FOXP1: variants seen among roughly 807,000 people sequenced by gnomAD.
FOXP1 encodes the protein forkhead box protein P1.
FOXP1 carries 15 observed loss-of-function variants against 98.2 expected under a neutral mutation model. That is an observed-to-expected ratio of 0.15 (90% CI 0.10 to 0.24). The LOEUF (loss-of-function observed/expected upper bound fraction) is 0.24. FOXP1 is among the 10% of genes least tolerant of loss of function. The pLI, the probability that FOXP1 is intolerant of heterozygous loss-of-function variation, is 1.00. For synonymous variants in FOXP1, 371 were observed against 314.5 expected, an observed-to-expected ratio of 1.18 and a Z score of -1.90; for missense variants, 633 against 848.5, an observed-to-expected ratio of 0.75 and a Z score of 3.15.
At position 71,546,930 on chromosome 3, in the gene FOXP1, CAAAG is replaced by C. The variant is rs138051116; in HGVS notation, c.-298+34615_-298+34618del. ...TGAGCTTGAGAAAAGAAGGAAATTG[CAAAG>C]AAAGGAAGGGGAGAGAGACAGAGAC... On this transcript the variant is annotated intron_variant, in intron 2 of 20. Coordinates refer to ENST00000649528, the MANE Select transcript of FOXP1 (RefSeq NM_001349338.3). Among the ~76,000 whole-genome samples, 1,148 of 151,820 alleles carry C rather than the reference CAAAG, an allele frequency of 7.6e-3. 11 individuals carry two copies. The highest frequency in any genetic ancestry group is 0.026 in the African/African-American group (1,078 of 41,400).
intron 3 of FOXP1, among the ~76,000 whole-genome samples, chr3:71,442,266 C>T (rs2086006374): frequency 6.6e-6 from 1 of 152,090 alleles, no homozygotes. Context: ...CATTAGCCAA[C>T]CAGACTGAGT....
Position 71,151,660 on chromosome 3 carries a change from A to ATTTT in FOXP1, c.181-39027_181-39024dup, listed in dbSNP as rs71104420. ...AGTCGAGAGGATGCATGTCTAAAAC[A>ATTTT]TTTTTTTTTTTTTTTTTGCACAAAG... On this transcript the variant is annotated intron_variant, in intron 6 of 20. Transcript: ENST00000649528. Among the ~76,000 whole-genome samples the ATTTT allele has an allele frequency of 2.2e-3, 308 of 140,108 alleles. 2 individuals are homozygous for ATTTT. Among genetic ancestry groups the ATTTT allele is most frequent in the East Asian group, 4.9e-3 (23 of 4,680 alleles). The allele number at this position is 140,108 out of a possible 152,430, so 91.9% of individuals were successfully genotyped here.
Position 71,582,499 on chromosome 3 carries a change from G to C in FOXP1, c.-446-802C>G, listed in dbSNP as rs1413936009. ...CTCGGGAGGAAGGCTGCGCGCAAGCGAGGGACGGAGAGCCATCGGCCGCCA... is the reference window on the plus strand; with the variant it reads ...CTCGGGAGGAAGGCTGCGCGCAAGCCAGGGACGGAGAGCCATCGGCCGCCA... On this transcript the variant is annotated intron_variant, in intron 1 of 20. Coordinates refer to ENST00000649528, the MANE Select transcript of FOXP1 (RefSeq NM_001349338.3). 3.0e-6 allele frequency: 3 copies of C among 985,336 alleles called. No homozygotes were observed. In the East Asian group the frequency reaches 3.4e-4, roughly 112 times the overall value. The allele number at this position is 985,336 out of a possible 1,614,324, so 61.0% of individuals were successfully genotyped here.
At chr3:71,305,439 C>T (rs527761237) in intron 4 of FOXP1, among the ~76,000 whole-genome samples, 17 of 152,298 alleles carry the variant, frequency 1.1e-4, no homozygotes, top group African/African-American at 3.6e-4. Context: ...TCGATTTCCA[C>T]AGAAGAAAAC....
intron 3 of FOXP1, among the ~76,000 whole-genome samples, chr3:71,484,330 T>C (rs908712302): frequency 3.5e-4 from 54 of 152,194 alleles, no homozygotes; most frequent in African/African-American, 1.3e-3. Context: ...TTTTCAAACA[T>C]CTAAGTAAAA....
chr3:71,577,821 T>C (rs1459954857), intron 2 of FOXP1, among the ~76,000 whole-genome samples: 3 of 152,028 alleles, frequency 2.0e-5, no homozygotes, highest in East Asian at 3.9e-4. Flanking sequence ...ATAGTAAAAG[T>C]ATACATTGGC....
At chr3:70,997,128 A>C (rs1166530759) in intron 13 of FOXP1, among the ~76,000 whole-genome samples, 1 of 152,216 alleles carries the variant, frequency 6.6e-6, no homozygotes, top group Non-Finnish European at 1.5e-5. Context: ...TCCCCTCTAA[A>C]GGAGGTGATG....
At position 70,956,732 on chromosome 3, in the gene FOXP1, GTTTTTTTTTTT is replaced by G. The variant is rs142956636; in HGVS notation, c.*2504_*2514del. 257 of 32,780 alleles carry G rather than the reference GTTTTTTTTTTT, an allele frequency of 7.8e-3. 1 individual carries two copies. The highest frequency in any genetic ancestry group is 0.014 in the African/African-American group (133 of 9,772). 2.0% of individuals were successfully genotyped at this position (32,780 alleles called of 1,614,324 possible). ...GCACATCATGAAGCTGCCTGGAAAA[GTTTTTTTTTTT>G]TTTTTTTTTTTTTTTTTTTTTTTTT... On this transcript the variant is annotated 3_prime_UTR_variant, in exon 21 of 21. Transcript: ENST00000649528.
intron 3 of FOXP1, among the ~76,000 whole-genome samples, chr3:71,477,608 A>G (rs918279260): frequency 3.9e-5 from 6 of 152,200 alleles, no homozygotes; most frequent in African/African-American, 1.4e-4. Context: ...AACATTTCTA[A>G]CCCTTGATTT....
intron 11 of FOXP1, among the ~76,000 whole-genome samples, chr3:71,015,878 T>C (rs1358286139): frequency 6.6e-6 from 1 of 152,206 alleles, no homozygotes. Context: ...GAAATGTACA[T>C]CTATGTATGA....
At chr3:71,211,470 T>C (rs920729273) in intron 5 of FOXP1, among the ~76,000 whole-genome samples, 2 of 152,152 alleles carry the variant, frequency 1.3e-5, no homozygotes, top group African/African-American at 4.8e-5. Context: ...CCTCCTAAAG[T>C]GCTGGAATTA....
chr3:71,015,791 TA>T, intron 11 of FOXP1, 138 bp from the exon 12 acceptor site: 1 of 625,216 alleles, frequency 1.6e-6, no homozygotes. Context: ...CCATCCCATG[TA>T]ATTGACTAAT....
At chr3:71,200,083 C>CAAAAAAA (rs61281811) in intron 5 of FOXP1, among the ~76,000 whole-genome samples, 1,264 of 76,070 alleles carry the variant, frequency 0.017, 87 homozygotes, top group Non-Finnish European at 0.022. Flanking sequence ...CTCCATCTCA[C>CAAAAAAA]AAAAAAAAAA....
Position 71,177,552 on chromosome 3 carries a change from C to A in FOXP1, c.180+20650G>T, listed in dbSNP as rs188152291. 1.8e-4 allele frequency among the ~76,000 whole-genome samples: 28 copies of A among 152,280 alleles called. No homozygotes were observed. The East Asian group carries it at 5.4e-3, about 29-fold the overall frequency. On this transcript the variant is annotated intron_variant, in intron 6 of 20. Coordinates refer to ENST00000649528, the MANE Select transcript of FOXP1 (RefSeq NM_001349338.3). The stretch of plus-strand genomic sequence containing the variant: ...GATGCTTGAGAGCTCTGATGAAGAG[C>A]TCAGGCTCTGGAGTCGGGCAGATGT...
chr3:71,178,014 A>G (rs2062047443), intron 6 of FOXP1, among the ~76,000 whole-genome samples: 1 of 143,566 alleles, frequency 7.0e-6, no homozygotes, highest in South Asian at 2.2e-4. Flanking sequence ...TTTTATTTTT[A>G]GTAAAGATGA....
chr3:71,276,197 C>G (rs2070866488), intron 5 of FOXP1: 1 of 152,136 alleles, frequency 6.6e-6, no homozygotes, highest in South Asian at 2.1e-4. Context: ...TCTCCCTTTT[C>G]TAAGCTATAG....
At chr3:71,273,267 C>T (rs1331419455) in intron 5 of FOXP1, among the ~76,000 whole-genome samples, 1 of 152,196 alleles carries the variant, frequency 6.6e-6, no homozygotes, top group East Asian at 1.9e-4. Context: ...ACAAGTCTAA[C>T]TAACAATCAA....
chr3:71,385,694 A>T (rs187032505), intron 3 of FOXP1, among the ~76,000 whole-genome samples: 1 of 152,246 alleles, frequency 6.6e-6, no homozygotes, highest in African/African-American at 2.4e-5. Flanking sequence ...ATGAATATGT[A>T]TAGGTATGTG....
chr3:71,105,210 T>C (rs1449265967), intron 7 of FOXP1, among the ~76,000 whole-genome samples: 4 of 149,656 alleles, frequency 2.7e-5, no homozygotes, highest in Non-Finnish European at 5.9e-5. Flanking sequence ...TTGCGTTTTC[T>C]TTTTTTTTCC....
Sources: gnomAD v4.1 joint callset for allele counts (sites outside exome capture counted in the v4.1 genomes callset) on GRCh38, gnomAD v4.1.1 for gene constraint, MANE v1.5 for transcripts, NCBI Gene and HGNC (gene_info 2026-07-23, HGNC 2026-07-21) for gene names.